Variants in HDAC3 observed in about 807,000 individuals in gnomAD.
HDAC3 encodes the protein SMAP45.
A neutral mutation model predicts 62.3 loss-of-function variants in HDAC3; 21 were observed. The observed-to-expected ratio is 0.34, with a 90% confidence interval of 0.24 to 0.49. The LOEUF (loss-of-function observed/expected upper bound fraction) is 0.49, where lower values mean the gene tolerates loss of function less well. Among genes scored for constraint, HDAC3 ranks in the 20% least tolerant of loss-of-function variants. The pLI is 0.99. For missense variants in HDAC3, 270 were observed against 556.9 expected (o/e 0.48, Z 5.19); for synonymous variants, 198 against 206.5 (o/e 0.96, Z 0.35).
chr5:141,622,719 G>C (rs1455014381), intron 14 of HDAC3, among the ~76,000 whole-genome samples: 1 of 152,226 alleles, frequency 6.6e-6, no homozygotes, highest in Non-Finnish European at 1.5e-5. Flanking sequence ...GGTGAGCAAT[G>C]TCTCAGTTAC....
intron 14 of HDAC3, among the ~76,000 whole-genome samples, chr5:141,622,504 T>C (rs1463334488): frequency 6.6e-6 from 1 of 151,606 alleles, no homozygotes; most frequent in East Asian, 2.0e-4. Flanking sequence ...CTGAGGAGGC[T>C]GAGGCAGGAG....
At chr5:141,631,262 A>G (rs1261045142) in intron 3 of HDAC3, among the ~76,000 whole-genome samples, 1 of 152,098 alleles carries the variant, frequency 6.6e-6, no homozygotes, top group East Asian at 1.9e-4. Context: ...ATCTCGGCTC[A>G]CTGCAGCCTC....
At chr5:141,633,021 C>T (rs767406942) in intron 3 of HDAC3, among the ~76,000 whole-genome samples, 6 of 152,186 alleles carry the variant, frequency 3.9e-5, no homozygotes, top group Non-Finnish European at 8.8e-5. Context: ...TAGATATTCC[C>T]AAACCTCAAT....
chr5:141,622,735 A>G (rs2099903887), intron 14 of HDAC3, among the ~76,000 whole-genome samples: 1 of 152,256 alleles, frequency 6.6e-6, no homozygotes, highest in Admixed American at 6.5e-5. Context: ...GTTACTTCTA[A>G]GTGCACAGGG....
rs61366287 is a variant in HDAC3, at chr5:141,624,046, TA to T, written c.1217+1161del. 8.1e-3 allele frequency among the ~76,000 whole-genome samples: 1,095 copies of T among 135,758 alleles called. 7 individuals carry two copies. Among genetic ancestry groups the T allele is most frequent in the African/African-American group, 0.023 (831 of 36,602 alleles). The allele number at this position is 135,758 out of a possible 152,430, so 89.1% of individuals were successfully genotyped here. ...TGTATCTCAGAAAGATAAAGACTTT[TA>T]AAAAAAAAAAAAAAACATAACCACA... On this transcript the variant is annotated intron_variant, in intron 14 of 14. Coordinates refer to ENST00000305264, the MANE Select transcript of HDAC3 (RefSeq NM_003883.4).
intron 10 of HDAC3, among the ~76,000 whole-genome samples, chr5:141,627,073 T>C (rs1044638689): frequency 1.3e-5 from 2 of 152,156 alleles, no homozygotes; most frequent in African/African-American, 4.8e-5. Flanking sequence ...GTTTAAAGGC[T>C]CTGCACAATC....
In HDAC3 at chr5:141,629,619, G is replaced by T; in HGVS notation, c.476+65C>A. The T allele has an allele frequency of 6.7e-7, 1 of 1,499,488 alleles. No individual in the cohort carries two copies. Among genetic ancestry groups the T allele is most frequent in the Non-Finnish European group, 9.2e-7 (1 of 1,082,006 alleles). The allele number at this position is 1,499,488 out of a possible 1,614,324, so 92.9% of individuals were successfully genotyped here. On this transcript the variant is annotated intron_variant, in intron 6 of 14. Coordinates refer to ENST00000305264, the MANE Select transcript of HDAC3 (RefSeq NM_003883.4). The surrounding 1 kb of genome is among the most constrained non-coding windows in gnomAD (Gnocchi z 5.3). ...GAGGAGGGAGGTCAAGGTCAGGGTT[G>T]AGACTGAGAGACCTCCTCAGCCAAG...
Position 141,628,005 on chromosome 5 carries a change from G to T in HDAC3, c.766-48C>A. ...AAAGTGCAGTGATCAGAACTGATCA[G>T]AACATCACAGATACCCCTTCCACCA... is the stretch of plus-strand genomic sequence containing the variant. On this transcript the variant is annotated intron_variant, in intron 9 of 14. Coordinates refer to ENST00000305264, the MANE Select transcript of HDAC3 (RefSeq NM_003883.4). This position sits in a 1 kb window ranked among gnomAD's most constrained non-coding sequence, Gnocchi z 4.7. 6.2e-7 allele frequency: 1 copy of T among 1,601,400 alleles called. No homozygotes were observed. Among genetic ancestry groups the T allele is most frequent in the Non-Finnish European group, 8.6e-7 (1 of 1,168,418 alleles).
chr5:141,629,604 G>A lies in HDAC3; in HGVS notation c.476+80C>T. On this transcript the variant is annotated intron_variant, in intron 6 of 14. Coordinates refer to ENST00000305264, the MANE Select transcript of HDAC3 (RefSeq NM_003883.4). This position sits in a 1 kb window ranked among gnomAD's most constrained non-coding sequence, Gnocchi z 5.3. ...GAGAAGCTAATCAGGGAGGAGGGAG[G>A]TCAAGGTCAGGGTTGAGACTGAGAG... 1 of 1,404,920 alleles carries A rather than the reference G, an allele frequency of 7.1e-7. No homozygotes were observed. The allele number at this position is 1,404,920 out of a possible 1,614,324, so 87.0% of individuals were successfully genotyped here.
At position 141,625,803 on chromosome 5, in the gene HDAC3, A is replaced by G. The variant is rs2099904356; in HGVS notation, c.980-39T>C. 1 of 1,577,778 alleles carries G rather than the reference A, an allele frequency of 6.3e-7. No homozygotes were observed. The highest frequency in any genetic ancestry group is 8.7e-7 in the Non-Finnish European group (1 of 1,146,988). The stretch of plus-strand genomic sequence containing the variant: ...GGAGAAAGTATGGCTCAGACTGAGA[A>G]AGGCAGCTAACAAGACTTCCCAATC... On this transcript the variant is annotated intron_variant, in intron 12 of 14. Coordinates refer to ENST00000305264, the MANE Select transcript of HDAC3 (RefSeq NM_003883.4). The surrounding 1 kb of genome is among the most constrained non-coding windows in gnomAD (Gnocchi z 4.0).
rs1211822465 is a variant in HDAC3 at position 141,621,452 on chromosome 5, G to A, written c.*16C>T. The A allele has an allele frequency of 1.2e-6, 2 of 1,611,280 alleles. No individual in the cohort carries two copies. Among genetic ancestry groups the A allele is most frequent in the Non-Finnish European group, 1.7e-6 (2 of 1,177,610 alleles). ...GTGAAAAGAAATTCCTTGGGACACA[G>A]CATCCCAAGCCACTCTTAAATCTCC... On this transcript the variant is annotated 3_prime_UTR_variant, in exon 15 of 15. Coordinates refer to ENST00000305264, the MANE Select transcript of HDAC3 (RefSeq NM_003883.4).
intron 3 of HDAC3, among the ~76,000 whole-genome samples, chr5:141,634,520 C>T (rs975277782): frequency 1.3e-5 from 2 of 152,198 alleles, no homozygotes; most frequent in Non-Finnish European, 2.9e-5. Context: ...CCAAGCTAAA[C>T]AATCCTCCAC....
In HDAC3 at chr5:141,621,532, T is replaced by C; in HGVS notation, c.1223A>G (p.Glu408Gly). Residue 408 changes from glutamate (E) to glycine (G), a missense_variant, in exon 15 of 15, where the codon GAG becomes GGG. Around this residue, in one of 5 missense-constraint regions of HDAC3, gnomAD observed 44 missense variants for 64.3 expected, o/e 0.68. Coordinates refer to ENST00000305264, the MANE Select transcript of HDAC3 (RefSeq NM_003883.4). ...TCCATCATAGAACTCATTGGGTGCC[T>C]CTGGCCTGCAAAGCAAGGGGAGAGA... Reference protein sequence around the residue: ...RGPEENYSRPEAPNEFYDGDH... With the variant: ...RGPEENYSRPGAPNEFYDGDH... 3.7e-6 allele frequency: 6 copies of C among 1,613,590 alleles called. No individual in the cohort carries two copies. Among genetic ancestry groups the C allele is most frequent in the Non-Finnish European group, 5.1e-6 (6 of 1,179,538 alleles).
Position 141,629,984 on chromosome 5 carries a change from G to C in HDAC3, c.363+60C>G, listed in dbSNP as rs1000556975. 4.3e-6 allele frequency: 7 copies of C among 1,612,774 alleles called. No individual in the cohort carries two copies. The highest frequency in any genetic ancestry group is 5.9e-6 in the Non-Finnish European group (7 of 1,178,726). On this transcript the variant is annotated intron_variant, in intron 4 of 14. Coordinates refer to ENST00000305264, the MANE Select transcript of HDAC3 (RefSeq NM_003883.4). The surrounding 1 kb of genome is among the most constrained non-coding windows in gnomAD (Gnocchi z 5.3). The stretch of plus-strand genomic sequence containing the variant: ...CTCAAGCTGGGAGCCCAGGATCAGG[G>C]TTAAATCCCGAGTCCAGGGATCCAG...
intron 10 of HDAC3, among the ~76,000 whole-genome samples, chr5:141,627,377 C>T (rs1044492538): frequency 2.0e-5 from 3 of 152,160 alleles, no homozygotes; most frequent in Admixed American, 6.5e-5. Flanking sequence ...TGGGCCCAGC[C>T]CTCAGAGCCT....
At position 141,625,999 on chromosome 5, in the gene HDAC3, G is replaced by A. The variant is rs2099904387; in HGVS notation, c.979+14C>T. The A allele has an allele frequency of 6.2e-7, 1 of 1,605,516 alleles. No individual in the cohort carries two copies. The highest frequency in any genetic ancestry group is 8.5e-7 in the Non-Finnish European group (1 of 1,172,350). On this transcript the variant is annotated intron_variant, in intron 12 of 14. Coordinates refer to ENST00000305264, the MANE Select transcript of HDAC3 (RefSeq NM_003883.4). This position sits in a 1 kb window ranked among gnomAD's most constrained non-coding sequence, Gnocchi z 4.0. ...GGCCTTCCTGTTATGGGGGTGTTGT[G>A]GGGTGGTCCTTACCACTATAGGGAA...
chr5:141,636,251 G>T (rs1412907221), intron 2 of HDAC3: 2 of 439,410 alleles, frequency 4.6e-6, no homozygotes, highest in Non-Finnish European at 8.4e-6. Flanking sequence ...ACTCTAAAAT[G>T]CAGAGGAGGA....
chr5:141,621,784 C>G (rs2099903741), intron 14 of HDAC3, among the ~76,000 whole-genome samples: 1 of 152,146 alleles, frequency 6.6e-6, no homozygotes, highest in East Asian at 1.9e-4. Context: ...CCTCAAAAAG[C>G]TTACCTAATA....
chr5:141,634,496 G>A (rs918452711), intron 3 of HDAC3, among the ~76,000 whole-genome samples: 1 of 151,780 alleles, frequency 6.6e-6, no homozygotes, highest in Non-Finnish European at 1.5e-5. Context: ...AGGCCCCACC[G>A]ACCAGCCACT....
Sources: gnomAD v4.1 joint callset for allele counts (sites outside exome capture counted in the v4.1 genomes callset) on GRCh38, gnomAD v4.1.1 for gene constraint, gnomAD v4.1.1 regional missense constraint, Gnocchi (gnomAD v3.1) non-coding constraint, MANE v1.5 for transcripts, NCBI Gene and HGNC (gene_info 2026-07-23, HGNC 2026-07-21) for gene names.